The following DTD1 variants were observed in gnomAD, a reference collection of about 807,000 sequenced individuals.
DTD1 encodes D-tyrosyl-tRNA deacylase 1 homolog.
In DTD1, 13 loss-of-function variants were observed where a neutral mutation model predicts 25.6. That is an observed-to-expected ratio of 0.51 (90% CI 0.33 to 0.81). The LOEUF (loss-of-function observed/expected upper bound fraction) is 0.81. Ranked by LOEUF, DTD1 falls within the 30% of genes least tolerant of loss-of-function variation. The pLI, the probability that DTD1 is intolerant of heterozygous loss-of-function variation, is 0.02. For missense variants in DTD1, 193 were observed against 266.4 expected (o/e 0.72, Z 1.92); for synonymous variants, 110 against 103.6 (o/e 1.06, Z -0.37).
At chr20:18,724,086 G>A (rs1373957268) in intron 4 of DTD1, among the ~76,000 whole-genome samples, 1 of 152,180 alleles carries the variant, frequency 6.6e-6, no homozygotes, top group African/African-American at 2.4e-5. Flanking sequence ...GACTTTCCTG[G>A]AAGCCCCTGG....
intron 4 of DTD1, among the ~76,000 whole-genome samples, chr20:18,727,819 G>A (rs2061227707): frequency 6.6e-6 from 1 of 152,188 alleles, no homozygotes; most frequent in African/African-American, 2.4e-5. Flanking sequence ...GCCATGGCAC[G>A]TGTCAGCACT....
At chr20:18,702,161 T>G (rs778415353) in intron 4 of DTD1, among the ~76,000 whole-genome samples, 1 of 152,222 alleles carries the variant, frequency 6.6e-6, no homozygotes, top group African/African-American at 2.4e-5. Context: ...GATCCTTTTA[T>G]TGGTCCCTCA....
intron 5 of DTD1, among the ~76,000 whole-genome samples, chr20:18,746,019 T>C (rs1414827188): frequency 1.3e-5 from 2 of 151,824 alleles, no homozygotes; most frequent in Non-Finnish European, 2.9e-5. Context: ...GTAAAGGAAA[T>C]AGAATCATTT....
At chr20:18,687,056 G>C (rs1195535091) in intron 4 of DTD1, among the ~76,000 whole-genome samples, 1 of 152,238 alleles carries the variant, frequency 6.6e-6, no homozygotes, top group Non-Finnish European at 1.5e-5. Flanking sequence ...TGGTGCAAAA[G>C]CAGACAGGTG....
At chr20:18,734,244 C>T (rs914275465) in intron 4 of DTD1, among the ~76,000 whole-genome samples, 3 of 152,178 alleles carry the variant, frequency 2.0e-5, no homozygotes, top group African/African-American at 7.2e-5. Context: ...TACCCTCTGC[C>T]ACCAGGCCTG....
intron 3 of DTD1, among the ~76,000 whole-genome samples, chr20:18,621,127 G>GT (rs1252007362): frequency 6.6e-6 from 1 of 152,134 alleles, no homozygotes; most frequent in Non-Finnish European, 1.5e-5. Context: ...ACCGCATTTA[G>GT]TTGTTGCAGC....
chr20:18,641,919 T>C (rs918811220), intron 4 of DTD1, among the ~76,000 whole-genome samples: 2 of 152,228 alleles, frequency 1.3e-5, no homozygotes, highest in Non-Finnish European at 2.9e-5. Flanking sequence ...TTTGATATTA[T>C]ATCCAAGAAA....
chr20:18,655,683 C>G (rs898498188), intron 4 of DTD1, among the ~76,000 whole-genome samples: 1 of 152,168 alleles, frequency 6.6e-6, no homozygotes, highest in Non-Finnish European at 1.5e-5. Context: ...AGGGGCAATA[C>G]CTGGGTGTCC....
At chr20:18,680,417 G>GT (rs3056280) in intron 4 of DTD1, among the ~76,000 whole-genome samples, 13,982 of 105,140 alleles carry the variant, frequency 0.13, 1,087 homozygotes, top group East Asian at 0.36. Flanking sequence ...TGTTGTCTAC[G>GT]TTTTTTTTTT....
rs151077595 is a variant in DTD1 at position 18,698,159 on chromosome 20, TCTG to T, written c.478-45937_478-45935del. Among the ~76,000 whole-genome samples the T allele has an allele frequency of 3.9e-5, 6 of 152,346 alleles. No homozygotes were observed. In the East Asian group the frequency reaches 1.2e-3, roughly 29 times the overall value. On this transcript the variant is annotated intron_variant, in intron 4 of 5. Coordinates refer to ENST00000377452, the MANE Select transcript of DTD1 (RefSeq NM_080820.6). ...ACTATTCTGATAAGCTTTTCTAGGA[TCTG>T]CTGATGTATATGTTTTTAACAATAA...
At chr20:18,614,530 G>C (rs1397759015) in intron 3 of DTD1, among the ~76,000 whole-genome samples, 1 of 152,146 alleles carries the variant, frequency 6.6e-6, no homozygotes, top group Non-Finnish European at 1.5e-5. Flanking sequence ...AGGTTCAAGA[G>C]GTTCAGGGAC....
At chr20:18,716,058 C>T (rs993563429) in intron 4 of DTD1, among the ~76,000 whole-genome samples, 1 of 152,148 alleles carries the variant, frequency 6.6e-6, no homozygotes, top group African/African-American at 2.4e-5. Flanking sequence ...TTGCTAGAAG[C>T]TTCAAACTGC....
rs542746316 is a variant in DTD1, at chr20:18,632,277, C to T, written c.477+4044C>T. On this transcript the variant is annotated intron_variant, in intron 4 of 5. Coordinates refer to ENST00000377452, the MANE Select transcript of DTD1 (RefSeq NM_080820.6). ...TTTCTGAATCCTTTAGGAGTTTTCTCCTCAAATACACAAATTGTCTTGCAT... is the reference window on the plus strand; with the variant it reads ...TTTCTGAATCCTTTAGGAGTTTTCTTCTCAAATACACAAATTGTCTTGCAT... 15 of 985,450 alleles carry T rather than the reference C, an allele frequency of 1.5e-5. No homozygotes were observed. The South Asian group carries it at 5.6e-4, about 37-fold the overall frequency. The allele number at this position is 985,450 out of a possible 1,614,324, so 61.0% of individuals were successfully genotyped here.
chr20:18,715,061 A>G (rs1468851652), intron 4 of DTD1, among the ~76,000 whole-genome samples: 1 of 152,026 alleles, frequency 6.6e-6, no homozygotes, highest in Non-Finnish European at 1.5e-5. Flanking sequence ...ACCAACCCTG[A>G]CTTTGGACAC....
chr20:18,639,182 GAA>G (rs56353252), intron 4 of DTD1, among the ~76,000 whole-genome samples: 2 of 118,244 alleles, frequency 1.7e-5, no homozygotes, highest in Admixed American at 1.7e-4. Flanking sequence ...TTTTTTTTAA[GAA>G]AAAAAAAAAA....
intron 4 of DTD1, among the ~76,000 whole-genome samples, chr20:18,683,920 A>G (rs1568668049): frequency 6.6e-6 from 1 of 151,986 alleles, no homozygotes; most frequent in Non-Finnish European, 1.5e-5. Context: ...TCTTGTAACT[A>G]TGGTTTTTTT....
intron 3 of DTD1, among the ~76,000 whole-genome samples, chr20:18,612,926 T>C (rs1212881400): frequency 2.0e-5 from 3 of 152,210 alleles, no homozygotes; most frequent in African/African-American, 7.2e-5. Flanking sequence ...CCCAAAGTGC[T>C]GGGATTACAG....
rs2061373070 is a variant in DTD1 at position 18,764,088 on chromosome 20, T to TTGA, written c.*752_*754dup. The TTGA allele has an allele frequency of 6.6e-6, 1 of 152,102 alleles. No homozygotes were observed. The highest frequency in any genetic ancestry group is 1.5e-5 in the Non-Finnish European group (1 of 68,012). 9.4% of individuals were successfully genotyped at this position (152,102 alleles called of 1,614,324 possible). The stretch of plus-strand genomic sequence containing the variant: ...GGGAGCCTGTCTAGCCAGTTTACAA[T>TTGA]TGATGACATGGTACTTGGAAGTGAG... On this transcript the variant is annotated 3_prime_UTR_variant, in exon 6 of 6. Transcript: ENST00000377452.
intron 4 of DTD1, among the ~76,000 whole-genome samples, chr20:18,634,203 G>A (rs1040791): frequency 1 from 152,180 of 152,322 alleles, 76,019 homozygotes; most frequent in Middle Eastern, 1. Context: ...TGCCATTTCT[G>A]TGATAGAAGC....
Sources: gnomAD v4.1 joint callset for allele counts (sites outside exome capture counted in the v4.1 genomes callset) on GRCh38, gnomAD v4.1.1 for gene constraint, MANE v1.5 for transcripts, NCBI Gene and HGNC (gene_info 2026-07-23, HGNC 2026-07-21) for gene names.